The following DENND1A variants were observed in gnomAD, a reference collection of about 807,000 sequenced individuals.
DENND1A encodes DENN domain-containing protein 1A.
Under a neutral mutation model 113.7 loss-of-function variants are expected in DENND1A, and 51 were observed. That is an observed-to-expected ratio of 0.45 (90% CI 0.36 to 0.57). The LOEUF is 0.57. Among genes scored for constraint, DENND1A ranks in the 20% least tolerant of loss-of-function variants. DENND1A has a pLI of 0.00. For missense variants in DENND1A, 1,258 were observed against 1,395.9 expected (o/e 0.90, Z 1.57); for synonymous variants, 565 against 570.8 (o/e 0.99, Z 0.14).
chr9:123,693,032 C>G (rs1368707422), intron 5 of DENND1A, among the ~76,000 whole-genome samples: 2 of 152,186 alleles, frequency 1.3e-5, no homozygotes, highest in Admixed American at 1.3e-4. Flanking sequence ...GGTTCCAAAG[C>G]TCATGATCCT....
At position 123,903,804 on chromosome 9, in the gene DENND1A, C is replaced by T. The variant is rs1024110784; in HGVS notation, c.18-24783G>A. 1.9e-4 allele frequency among the ~76,000 whole-genome samples: 29 copies of T among 152,260 alleles called. 1 individual carries two copies. The highest frequency in any genetic ancestry group is 2.9e-4 in the Non-Finnish European group (20 of 68,026). On this transcript the variant is annotated intron_variant, in intron 1 of 23. Coordinates refer to ENST00000394215, the MANE Select transcript of DENND1A (RefSeq NM_001352964.2). The stretch of plus-strand genomic sequence containing the variant: ...GCAGCGAGGCTGGGGGAGGGGCGCC[C>T]GCCATTGCCCAGGCTTGCTTAGGTA...
At chr9:123,608,119 G>C (rs2060254428) in intron 11 of DENND1A, among the ~76,000 whole-genome samples, 1 of 152,154 alleles carries the variant, frequency 6.6e-6, no homozygotes, top group Admixed American at 6.5e-5. Context: ...ACTGTGTACT[G>C]TATGTGCTTA....
At chr9:123,688,193 C>G (rs572907301) in intron 5 of DENND1A, among the ~76,000 whole-genome samples, 2 of 152,304 alleles carry the variant, frequency 1.3e-5, no homozygotes, top group African/African-American at 4.8e-5. Flanking sequence ...CTAACTTGCT[C>G]ACAGTCACAC....
chr9:123,526,178 C>CAA (rs2054826604), intron 13 of DENND1A, among the ~76,000 whole-genome samples: 1 of 151,442 alleles, frequency 6.6e-6, no homozygotes, highest in Non-Finnish European at 1.5e-5. Context: ...TGTGCACACA[C>CAA]ACACACACAT....
intron 1 of DENND1A, among the ~76,000 whole-genome samples, chr9:123,900,768 G>C (rs999130160): frequency 1.3e-4 from 20 of 152,098 alleles, no homozygotes; most frequent in African/African-American, 4.6e-4. Flanking sequence ...ATTATGGAGA[G>C]GATTAAATAA....
At chr9:123,623,127 A>C (rs1168805053) in intron 10 of DENND1A, among the ~76,000 whole-genome samples, 1 of 152,196 alleles carries the variant, frequency 6.6e-6, no homozygotes, top group Non-Finnish European at 1.5e-5. Context: ...ACCATACAAT[A>C]ACTCAAGTTA....
intron 12 of DENND1A, among the ~76,000 whole-genome samples, chr9:123,560,605 G>A (rs983738433): frequency 2.0e-5 from 3 of 151,570 alleles, no homozygotes; most frequent in African/African-American, 7.3e-5. Context: ...TGGGAGGACT[G>A]CTTGAGCCCA....
chr9:123,655,229 A>C (rs1286537783), intron 8 of DENND1A, among the ~76,000 whole-genome samples: 1 of 152,086 alleles, frequency 6.6e-6, no homozygotes, highest in Non-Finnish European at 1.5e-5. Context: ...AGTTTTAAGT[A>C]TGTTTTTGCC....
chr9:123,887,735 G>C (rs926677004), intron 1 of DENND1A, among the ~76,000 whole-genome samples: 3 of 152,022 alleles, frequency 2.0e-5, no homozygotes, highest in African/African-American at 4.8e-5. Flanking sequence ...GTGATGCCAA[G>C]AAAGCAAGGT....
At chr9:123,768,595 A>G (rs368651347) in intron 4 of DENND1A, among the ~76,000 whole-genome samples, 6 of 152,262 alleles carry the variant, frequency 3.9e-5, no homozygotes, top group African/African-American at 1.2e-4. Flanking sequence ...TGTCAATAAA[A>G]GTGGGTTTGT....
chr9:123,448,510 G>C (rs562350427), intron 18 of DENND1A, among the ~76,000 whole-genome samples: 3 of 152,140 alleles, frequency 2.0e-5, no homozygotes, highest in African/African-American at 4.8e-5. Flanking sequence ...ACGAGCCTAC[G>C]ATCCAGGCAT....
intron 1 of DENND1A, among the ~76,000 whole-genome samples, chr9:123,883,054 A>G (rs1848544524): frequency 6.6e-6 from 1 of 152,146 alleles, no homozygotes; most frequent in South Asian, 2.1e-4. Context: ...CACACCAAAG[A>G]GAAGTCCCAT....
At chr9:123,457,208 C>T (rs545456461) in intron 15 of DENND1A, 140 bp downstream of exon 15, 8 of 697,948 alleles carry the variant, frequency 1.1e-5, no homozygotes, top group South Asian at 8.7e-5. Context: ...AGGAATTCTT[C>T]AAACATTTCA....
At chr9:123,413,276 T>A in intron 19 of DENND1A, 1 of 441,040 alleles carries the variant, frequency 2.3e-6, no homozygotes, top group Non-Finnish European at 3.0e-6. Context: ...AGTAATAATT[T>A]TTAGATTGAT....
intron 13 of DENND1A, among the ~76,000 whole-genome samples, chr9:123,516,812 A>G (rs1314514232): frequency 7.0e-6 from 1 of 143,742 alleles, no homozygotes; most frequent in Non-Finnish European, 1.5e-5. Context: ...TGAACCCGGG[A>G]GGCAGAAGTT....
chr9:123,762,595 G>A (rs2071131527), intron 4 of DENND1A, among the ~76,000 whole-genome samples: 1 of 152,220 alleles, frequency 6.6e-6, no homozygotes, highest in Non-Finnish European at 1.5e-5. Flanking sequence ...CAACTACACT[G>A]GGCACTGTAA....
chr9:123,848,343 A>C (rs1842911652), intron 2 of DENND1A, among the ~76,000 whole-genome samples: 1 of 151,792 alleles, frequency 6.6e-6, no homozygotes, highest in Admixed American at 6.6e-5. Context: ...GCAATATTTC[A>C]AACTCTTTAA....
At chr9:123,589,017 C>T (rs1296449512) in intron 11 of DENND1A, among the ~76,000 whole-genome samples, 7 of 152,170 alleles carry the variant, frequency 4.6e-5, no homozygotes, top group South Asian at 4.1e-4. Flanking sequence ...CCACCCACCT[C>T]GGCCTCCCAA....
chr9:123,568,710 G>A (rs2058187890), intron 12 of DENND1A, among the ~76,000 whole-genome samples: 1 of 152,158 alleles, frequency 6.6e-6, no homozygotes, highest in African/African-American at 2.4e-5. Context: ...GATGTGGCCA[G>A]GCCGGATTCA....
Sources: gnomAD v4.1 joint callset for allele counts (sites outside exome capture counted in the v4.1 genomes callset) on GRCh38, gnomAD v4.1.1 for gene constraint, MANE v1.5 for transcripts, NCBI Gene and HGNC (gene_info 2026-07-23, HGNC 2026-07-21) for gene names.